Variants in ZNF420 observed in about 807,000 individuals in gnomAD.
ZNF420 encodes the protein zinc finger protein 420, also known as ATM and p53-associated KZNF protein.
ZNF420 carries 31 observed loss-of-function variants against 44.7 expected under a neutral mutation model. That is an observed-to-expected ratio of 0.69 (90% confidence interval 0.52 to 0.94). The LOEUF (loss-of-function observed/expected upper bound fraction) is 0.94, where lower values mean the gene tolerates loss of function less well. Ranked by LOEUF, ZNF420 falls within the 40% of genes least tolerant of loss-of-function variation. The pLI is 0.00. For synonymous variants in ZNF420, 245 were observed against 267.4 expected, an observed-to-expected ratio of 0.92 and a Z score of 0.82; for missense variants, 681 against 827.9, an observed-to-expected ratio of 0.82 and a Z score of 2.18.
At chr19:37,125,154 TTC>T (rs1971278979) in intron 4 of ZNF420, among the ~76,000 whole-genome samples, 1 of 152,180 alleles carries the variant, frequency 6.6e-6, no homozygotes, top group Non-Finnish European at 1.5e-5. Context: ...ATTGCCTTTT[TTC>T]TCTCCAACAT....
chr19:37,036,861 T>G (rs1194095197), intron 1 of ZNF420, among the ~76,000 whole-genome samples: 2 of 152,352 alleles, frequency 1.3e-5, no homozygotes, highest in East Asian at 3.9e-4. Context: ...AATAGCTAAA[T>G]ATGTTCTATT....
intron 1 of ZNF420, among the ~76,000 whole-genome samples, chr19:37,030,363 G>A (rs34891013): frequency 0.046 from 6,943 of 152,220 alleles, 221 homozygotes; most frequent in Non-Finnish European, 0.066. Flanking sequence ...GGGTTTCACC[G>A]TGTTAGCCAG....
intron 2 of ZNF420, among the ~76,000 whole-genome samples, chr19:37,082,794 G>C (rs1968537614): frequency 6.6e-6 from 1 of 152,186 alleles, no homozygotes; most frequent in African/African-American, 2.4e-5. Context: ...TAAGCTGCCA[G>C]CTGGAAATGC....
Position 37,089,109 on chromosome 19 carries a change from T to A in ZNF420, c.-10T>A. The stretch of plus-strand genomic sequence containing the variant: ...AAGAGGACTGATCATTTCTTGCAGC[T>A]CTAAAAACCATGGCTCGGGTAAATT... On this transcript the variant is annotated 5_prime_UTR_variant, in exon 3 of 5. Transcript: ENST00000337995. 1 of 1,613,226 alleles carries A rather than the reference T, an allele frequency of 6.2e-7. No individual in the cohort carries two copies. The highest frequency in any genetic ancestry group is 8.5e-7 in the Non-Finnish European group (1 of 1,179,156).
intron 1 of ZNF420, among the ~76,000 whole-genome samples, chr19:37,041,785 T>TA (rs1434042596): frequency 6.6e-6 from 1 of 152,144 alleles, no homozygotes; most frequent in African/African-American, 2.4e-5. Context: ...TTAAAAAATA[T>TA]AAAAAATACT....
chr19:37,101,053 C>G (rs550246858), intron 4 of ZNF420, among the ~76,000 whole-genome samples: 7 of 147,582 alleles, frequency 4.7e-5, no homozygotes, highest in African/African-American at 1.8e-4. Flanking sequence ...TCACAGTTTC[C>G]TGTTGGCCTA....
intron 1 of ZNF420, among the ~76,000 whole-genome samples, chr19:37,061,602 A>C (rs943787501): frequency 6.6e-6 from 1 of 152,232 alleles, no homozygotes; most frequent in Non-Finnish European, 1.5e-5. Flanking sequence ...AATTAGCATC[A>C]TGAGAAAACA....
chr19:37,121,043 T>C (rs1971000968), intron 4 of ZNF420, among the ~76,000 whole-genome samples: 1 of 151,264 alleles, frequency 6.6e-6, no homozygotes, highest in Non-Finnish European at 1.5e-5. Context: ...AAAATGGCCA[T>C]ACTGCCCAAG....
chr19:37,033,420 T>G (rs1967298229), intron 1 of ZNF420, among the ~76,000 whole-genome samples: 1 of 152,212 alleles, frequency 6.6e-6, no homozygotes, highest in Non-Finnish European at 1.5e-5. Context: ...TTTCTATGAA[T>G]ATGACATGCT....
At chr19:37,059,696 C>T (rs551149350) in intron 1 of ZNF420, among the ~76,000 whole-genome samples, 34 of 152,316 alleles carry the variant, frequency 2.2e-4, no homozygotes, top group Non-Finnish European at 4.4e-4. Flanking sequence ...GTGGGCCGCC[C>T]TCTCACCTGA....
At chr19:37,015,422 G>T (rs1288258654) in intron 1 of ZNF420, among the ~76,000 whole-genome samples, 1 of 152,138 alleles carries the variant, frequency 6.6e-6, no homozygotes, top group Non-Finnish European at 1.5e-5. Context: ...CCTCCTAGGG[G>T]CCCATAGTCC....
chr19:37,079,666 A>G (rs575913453), intron 1 of ZNF420, among the ~76,000 whole-genome samples: 2 of 152,262 alleles, frequency 1.3e-5, no homozygotes, highest in South Asian at 4.1e-4. Flanking sequence ...AATAGGAGTT[A>G]TTTGCAAGTT....
At chr19:37,016,375 C>G (rs993702906) in intron 1 of ZNF420, among the ~76,000 whole-genome samples, 1 of 152,210 alleles carries the variant, frequency 6.6e-6, no homozygotes, top group Admixed American at 6.5e-5. Context: ...GAGTAGTGAT[C>G]CGGTGTGGGG....
chr19:37,062,966 A>G (rs1225608154), intron 1 of ZNF420, among the ~76,000 whole-genome samples: 2 of 152,250 alleles, frequency 1.3e-5, no homozygotes, highest in East Asian at 3.8e-4. Context: ...GCAGGCACCA[A>G]TATGTACAAG....
chr19:37,129,330 G>A lies in ZNF420; in HGVS notation c.*272G>A. 1 of 402,828 alleles carries A rather than the reference G, an allele frequency of 2.5e-6. No individual in the cohort carries two copies. Among genetic ancestry groups the A allele is most frequent in the East Asian group, 4.4e-5 (1 of 22,634 alleles). 25.0% of individuals were successfully genotyped at this position (402,828 alleles called of 1,614,324 possible). ...AAATATCTTTTTCAACGTTATCTTAGCTCTACTAGTTGATCTTTTTGTTAT... is the reference window on the plus strand; with the variant it reads ...AAATATCTTTTTCAACGTTATCTTAACTCTACTAGTTGATCTTTTTGTTAT... On this transcript the variant is annotated 3_prime_UTR_variant, in exon 5 of 5. Transcript: ENST00000337995.
At chr19:37,114,583 T>A (rs1970557985) in intron 4 of ZNF420, among the ~76,000 whole-genome samples, 1 of 152,208 alleles carries the variant, frequency 6.6e-6, no homozygotes, top group Admixed American at 6.5e-5. Flanking sequence ...TTCTTCTAAT[T>A]TTAACATTTC....
At position 37,119,537 on chromosome 19, in the gene ZNF420, C is replaced by A. The variant is rs918831906; in HGVS notation, c.137-7591C>A. Among the ~76,000 whole-genome samples, 5 of 152,108 alleles carry A rather than the reference C, an allele frequency of 3.3e-5. No individual in the cohort carries two copies. In the East Asian group the frequency reaches 9.6e-4, roughly 29 times the overall value. On this transcript the variant is annotated intron_variant, in intron 4 of 4. Transcript: ENST00000337995. ...GAAAGCAGGAAAGATTCAAAATGGA[C>A]ACCCTAACACCACAATTAAAAGAAC...
intron 4 of ZNF420, among the ~76,000 whole-genome samples, chr19:37,112,670 T>G (rs1970444460): frequency 6.6e-6 from 1 of 152,186 alleles, no homozygotes; most frequent in East Asian, 1.9e-4. Context: ...CCTCCTGTTC[T>G]TTTTATCTCA....
intron 1 of ZNF420, among the ~76,000 whole-genome samples, chr19:37,017,889 A>T (rs891671587): frequency 1.3e-5 from 2 of 152,104 alleles, no homozygotes; most frequent in East Asian, 1.9e-4. Flanking sequence ...GTGTTTGCAG[A>T]TGATATGATC....
Sources: allele counts gnomAD v4.1 joint callset (sites outside exome capture counted in the v4.1 genomes callset), GRCh38; gene constraint gnomAD v4.1.1; transcripts MANE v1.5; gene names NCBI Gene and HGNC (gene_info 2026-07-23, HGNC 2026-07-21).